Variants in SLC38A10 observed in about 807,000 individuals in gnomAD.
The protein encoded by SLC38A10 is solute carrier family 38 member 10.
A neutral mutation model predicts 81.0 loss-of-function variants in SLC38A10; 53 were observed. The ratio of observed to expected loss-of-function variants is 0.65; its 90% CI spans 0.53 to 0.82. The LOEUF (loss-of-function observed/expected upper bound fraction) is 0.82, where lower values mean the gene tolerates loss of function less well. Ranked by LOEUF, SLC38A10 falls within the 40% of genes least tolerant of loss-of-function variation. SLC38A10 has a pLI of 0.00. For synonymous variants in SLC38A10, 665 were observed against 655.3 expected (o/e 1.01, Z -0.23); for missense variants, 1,471 against 1,545.0 (o/e 0.95, Z 0.80).
At chr17:81,258,803 C>T (rs1191281522) in intron 11 of SLC38A10, among the ~76,000 whole-genome samples, 2 of 152,230 alleles carry the variant, frequency 1.3e-5, no homozygotes, top group African/African-American at 4.8e-5. Context: ...GACGTTTTTC[C>T]AGTCCGAATT....
At chr17:81,272,870 T>C (rs1210621120) in intron 8 of SLC38A10, among the ~76,000 whole-genome samples, 5 of 152,190 alleles carry the variant, frequency 3.3e-5, no homozygotes, top group Non-Finnish European at 7.4e-5. Flanking sequence ...GACCGTACAT[T>C]TTACAACTTC....
Position 81,293,345 on chromosome 17 carries a change from C to T in SLC38A10, c.99+1478G>A, listed in dbSNP as rs767573947. 7.2e-5 allele frequency among the ~76,000 whole-genome samples: 11 copies of T among 152,186 alleles called. No homozygotes were observed. In the East Asian group the frequency reaches 1.5e-3, roughly 21 times the overall value. On this transcript the variant is annotated intron_variant, in intron 1 of 15. Transcript: ENST00000374759. Reference sequence around the variant, plus strand: ...CTCCACGCCCAGACCAGATGCTGCCCGGGGGGCTCTGGAGGCATGTAGCCC... The same window carrying T: ...CTCCACGCCCAGACCAGATGCTGCCTGGGGGGCTCTGGAGGCATGTAGCCC...
chr17:81,246,949 G>T lies in SLC38A10; in HGVS notation c.2178C>A (p.Ile726=), dbSNP rs749829059. 1.9e-6 allele frequency: 3 copies of T among 1,607,530 alleles called. No individual in the cohort carries two copies. The East Asian group carries it at 6.7e-5, about 36-fold the overall frequency. The part of the protein sequence containing the change: ...LDQQEKLLAV[I]EEQHKEIHQQ... ...GGTGGATCTCCTTGTGCTGCTCCTC[G>T]ATCACCGCCAGCAGCTTCTCCTGCT... The change falls in exon 15 of 16, where the codon ATC becomes ATA. Residue 726 remains isoleucine (I), a synonymous_variant. Transcript: ENST00000374759.
intron 11 of SLC38A10, among the ~76,000 whole-genome samples, chr17:81,255,937 G>A (rs559453653): frequency 6.6e-6 from 1 of 152,148 alleles, no homozygotes; most frequent in Non-Finnish European, 1.5e-5. Context: ...AGCCAATATC[G>A]TGCCACTGCA....
intron 3 of SLC38A10, 60 bp downstream of exon 3, chr17:81,284,790 G>A (rs906423884): frequency 7.4e-5 from 102 of 1,371,698 alleles, no homozygotes; most frequent in Non-Finnish European, 9.8e-5. Flanking sequence ...CCCACCGGGA[G>A]GGTCCCCAGT....
chr17:81,280,370 C>T (rs2063199629), intron 6 of SLC38A10, among the ~76,000 whole-genome samples: 1 of 152,176 alleles, frequency 6.6e-6, no homozygotes, highest in African/African-American at 2.4e-5. Flanking sequence ...ATCTGGCAAA[C>T]CAGGGACTCT....
intron 11 of SLC38A10, among the ~76,000 whole-genome samples, chr17:81,257,395 C>T (rs1007395103): frequency 4.6e-5 from 7 of 152,186 alleles, no homozygotes; most frequent in Non-Finnish European, 8.8e-5. Flanking sequence ...TGTACCGGCC[C>T]GGAGAAGGCT....
chr17:81,252,918 G>A (rs1266704056), intron 12 of SLC38A10, among the ~76,000 whole-genome samples, 155 bp downstream of exon 12: 1 of 152,216 alleles, frequency 6.6e-6, no homozygotes, highest in Non-Finnish European at 1.5e-5. Context: ...CATCTGAATT[G>A]AAAGACAGAG....
intron 1 of SLC38A10, among the ~76,000 whole-genome samples, chr17:81,291,971 T>C (rs1156947555): frequency 2.6e-5 from 4 of 152,150 alleles, no homozygotes; most frequent in Admixed American, 1.3e-4. Context: ...CTCCTTAATT[T>C]GGGAGCTAGT....
At chr17:81,250,036 C>T in intron 14 of SLC38A10, 19 of 1,286,208 alleles carry the variant, frequency 1.5e-5, no homozygotes, top group Non-Finnish European at 1.9e-5. Flanking sequence ...GCCAGACAGG[C>T]TCTTGACTTC....
intron 1 of SLC38A10, among the ~76,000 whole-genome samples, chr17:81,291,586 A>G (rs1375776915): frequency 6.6e-6 from 1 of 151,998 alleles, no homozygotes; most frequent in Non-Finnish European, 1.5e-5. Context: ...ACGATACCCA[A>G]TGCTACCGGG....
intron 10 of SLC38A10, among the ~76,000 whole-genome samples, chr17:81,269,247 C>G (rs2063094369): frequency 6.6e-6 from 1 of 152,218 alleles, no homozygotes; most frequent in African/African-American, 2.4e-5. Context: ...GGTGTAGTGG[C>G]TCACGTCTAT....
intron 10 of SLC38A10, chr17:81,264,987 C>T (rs2063057826): frequency 6.6e-6 from 1 of 152,320 alleles, no homozygotes; most frequent in South Asian, 2.1e-4. Context: ...CCTTCTAAGC[C>T]ACCTGCTGCT....
intron 14 of SLC38A10, among the ~76,000 whole-genome samples, chr17:81,249,106 G>A (rs928928021): frequency 8.6e-5 from 13 of 150,748 alleles, no homozygotes; most frequent in African/African-American, 2.4e-4. Flanking sequence ...GCAGGGTTCC[G>A]AAAGAGCAGG....
chr17:81,262,989 G>C (rs1445126919), intron 10 of SLC38A10: 1 of 152,218 alleles, frequency 6.6e-6, no homozygotes, highest in Non-Finnish European at 1.5e-5. Flanking sequence ...TTTCCAGGAA[G>C]ACCCAGGACC....
chr17:81,281,754 C>T lies in SLC38A10; in HGVS notation c.501+435G>A, dbSNP rs560937516. ...TTGCGCCACTGCACTCCAGCCTGGG[C>T]GACAAAGTGAGACTCCGTCTCAAAA... On this transcript the variant is annotated intron_variant, in intron 5 of 15. Coordinates refer to ENST00000374759, the MANE Select transcript of SLC38A10 (RefSeq NM_001037984.3). The surrounding 1 kb of genome is among the most constrained non-coding windows in gnomAD (Gnocchi z 5.3). Among the ~76,000 whole-genome samples, 26 of 150,898 alleles carry T rather than the reference C, an allele frequency of 1.7e-4. No individual in the cohort carries two copies. The South Asian group carries it at 4.6e-3, about 27-fold the overall frequency.
At position 81,276,326 on chromosome 17, in the gene SLC38A10, G is replaced by A. The variant is rs2063161994; in HGVS notation, c.730-175C>T. On this transcript the variant is annotated intron_variant, in intron 7 of 15. Coordinates refer to ENST00000374759, the MANE Select transcript of SLC38A10 (RefSeq NM_001037984.3). The surrounding 1 kb of genome is among the most constrained non-coding windows in gnomAD (Gnocchi z 4.7). The stretch of plus-strand genomic sequence containing the variant: ...CCTTCCAGGGGCAAGGCACCATTTC[G>A]CCTCCTCCTTCTAAAAATCTCTAGT... Among the ~76,000 whole-genome samples the A allele has an allele frequency of 6.6e-6, 1 of 151,816 alleles. No individual in the cohort carries two copies. The highest frequency in any genetic ancestry group is 1.5e-5 in the Non-Finnish European group (1 of 67,964).
intron 10 of SLC38A10, among the ~76,000 whole-genome samples, chr17:81,266,156 C>T (rs1345990198): frequency 6.6e-6 from 1 of 152,196 alleles, no homozygotes; most frequent in African/African-American, 2.4e-5. Context: ...TGACGCCACA[C>T]ACGGGCAAGA....
chr17:81,272,488 C>A, intron 9 of SLC38A10, 28 bp downstream of exon 9: 1 of 1,528,048 alleles, frequency 6.5e-7, no homozygotes, highest in Non-Finnish European at 8.8e-7. Context: ...TCCCACTCCC[C>A]GGCAACAGGG....
Sources: allele counts gnomAD v4.1 joint callset (sites outside exome capture counted in the v4.1 genomes callset), GRCh38; gene constraint gnomAD v4.1.1; non-coding constraint Gnocchi (gnomAD v3.1); transcripts MANE v1.5; gene names NCBI Gene and HGNC (gene_info 2026-07-23, HGNC 2026-07-21).